TBCD: variants seen among roughly 807,000 people sequenced by gnomAD.
The protein encoded by TBCD is tubulin folding cofactor D.
In TBCD, 105 loss-of-function variants were observed where a neutral mutation model predicts 169.3. That is an observed-to-expected ratio of 0.62 (90% CI 0.53 to 0.73). The LOEUF (loss-of-function observed/expected upper bound fraction) is 0.73, where lower values mean the gene tolerates loss of function less well. Ranked by LOEUF, TBCD falls within the 30% of genes least tolerant of loss-of-function variation. The pLI is 0.00. For missense variants in TBCD, 1,444 were observed against 1,600.1 expected (o/e 0.90, Z 1.66); for synonymous variants, 700 against 643.9 (o/e 1.09, Z -1.32).
chr17:82,830,935 A>G, intron 13 of TBCD: 1 of 1,613,172 alleles, frequency 6.2e-7, no homozygotes, highest in South Asian at 1.1e-5. Context: ...AACTGCGTGA[A>G]GCAGTGTGAG....
chr17:82,787,664 G>C (rs1245440113), intron 7 of TBCD, among the ~76,000 whole-genome samples: 4 of 152,174 alleles, frequency 2.6e-5, no homozygotes, highest in African/African-American at 9.7e-5. Context: ...GATGCACTTG[G>C]CTTCATTGTC....
At chr17:82,928,057 G>T in intron 30 of TBCD, 69 bp downstream of exon 30, 1 of 1,437,580 alleles carries the variant, frequency 7.0e-7, no homozygotes, top group Non-Finnish European at 9.7e-7. Flanking sequence ...CTGGCGGGGC[G>T]GGCGGTCCTG....
chr17:82,871,588 G>A (rs1029846806), intron 14 of TBCD, among the ~76,000 whole-genome samples: 1 of 152,202 alleles, frequency 6.6e-6, no homozygotes, highest in Non-Finnish European at 1.5e-5. Context: ...ACTACAAGAC[G>A]CCTGAAGGGG....
intron 6 of TBCD, among the ~76,000 whole-genome samples, chr17:82,775,238 C>G (rs997309162): frequency 1.3e-5 from 2 of 152,208 alleles, no homozygotes; most frequent in African/African-American, 2.4e-5. Flanking sequence ...AGAGGTGGTG[C>G]CTGGGGGCGT....
In TBCD at chr17:82,898,176, C is replaced by T. The variant is rs371711819; in HGVS notation, c.1650-2475C>T. ...CCCCGTGGGTTTTGGTGGGAGCACA[C>T]GGCACGGCTCTGGGTTTTGGTGGGA... is the stretch of plus-strand genomic sequence containing the variant. On this transcript the variant is annotated intron_variant, in intron 17 of 38. Coordinates refer to ENST00000355528, the MANE Select transcript of TBCD (RefSeq NM_005993.5). Among the ~76,000 whole-genome samples the T allele has an allele frequency of 1.7e-4, 25 of 148,452 alleles. No individual in the cohort carries two copies. The East Asian group carries it at 2.4e-3, about 14-fold the overall frequency.
Position 82,833,225 on chromosome 17 carries a change from C to T in TBCD, c.1318+18291C>T, listed in dbSNP as rs927354176. On this transcript the variant is annotated intron_variant, in intron 13 of 38. Transcript: ENST00000355528. This position sits in a 1 kb window ranked among gnomAD's most constrained non-coding sequence, Gnocchi z 4.7. ...GCGTGGGCTGGCCACCGTCTACTTG[C>T]TCCTACCTGCTGGCTGGGAGCTCTC... Among the ~76,000 whole-genome samples the T allele has an allele frequency of 5.9e-5, 9 of 152,150 alleles. No individual in the cohort carries two copies. The highest frequency in any genetic ancestry group is 1.9e-4 in the African/African-American group (8 of 41,434).
chr17:82,859,072 C>G (rs536449151), intron 13 of TBCD, among the ~76,000 whole-genome samples: 1 of 151,236 alleles, frequency 6.6e-6, no homozygotes, highest in African/African-American at 2.4e-5. Flanking sequence ...GTGTCCTCCC[C>G]GCACTGGCTT....
chr17:82,789,582 G>A lies in TBCD; in HGVS notation c.771+7861G>A, dbSNP rs1481582278. Among the ~76,000 whole-genome samples, 2 of 152,150 alleles carry A rather than the reference G, an allele frequency of 1.3e-5. No homozygotes were observed. The highest frequency in any genetic ancestry group is 3.9e-4 in the East Asian group (2 of 5,180). ...ACCTGTGGCCCCTGTGCAGGTTGGGGTGCCCCTGCCCTCTCCCCTGCCCCG... is the reference window on the plus strand; with the variant it reads ...ACCTGTGGCCCCTGTGCAGGTTGGGATGCCCCTGCCCTCTCCCCTGCCCCG... On this transcript the variant is annotated intron_variant, in intron 7 of 38. Coordinates refer to ENST00000355528, the MANE Select transcript of TBCD (RefSeq NM_005993.5). This position sits in a 1 kb window ranked among gnomAD's most constrained non-coding sequence, Gnocchi z 4.8.
In TBCD at chr17:82,920,618, G is replaced by T; in HGVS notation, c.2101G>T (p.Asp701Tyr). 1 of 1,549,508 alleles carries T rather than the reference G, an allele frequency of 6.5e-7. No individual in the cohort carries two copies. The highest frequency in any genetic ancestry group is 1.4e-5 in the African/African-American group (1 of 72,792). The change falls in exon 24 of 39, where the codon GAT becomes TAT. Residue 701 changes from aspartate (D) to tyrosine (Y), a missense_variant and splice_region_variant. Asp to Tyr is a radical substitution (Grantham distance 160). Coordinates refer to ENST00000355528, the MANE Select transcript of TBCD (RefSeq NM_005993.5). The surrounding 1 kb of genome is among the most constrained non-coding windows in gnomAD (Gnocchi z 4.1). ...GCCCTTTAGAGGTGACACCGTAATT[G>T]GTAAGTGCTTTTGTTTTTAATAATA... The part of the protein sequence containing the change: ...KMPFRGDTVI[D>Y]GWQWLINDTL...
chr17:82,756,116 GTA>G (rs748062458), intron 1 of TBCD, 47 bp from the exon 2 acceptor site: 1 of 1,515,676 alleles, frequency 6.6e-7, no homozygotes, highest in Non-Finnish European at 9.0e-7. Context: ...AGGCTCATGG[GTA>G]TGTTTGGCCT....
intron 21 of TBCD, chr17:82,908,322 T>C: frequency 6.6e-6 from 3 of 456,906 alleles, no homozygotes; most frequent in South Asian, 1.5e-5. Context: ...TGGGGTCTGA[T>C]GTCTCCTGAA....
chr17:82,847,704 C>A (rs116191401), intron 13 of TBCD, among the ~76,000 whole-genome samples: 1,843 of 152,284 alleles, frequency 0.012, 52 homozygotes, highest in African/African-American at 0.042. Context: ...GTAGTGCGAT[C>A]TCCGCCTCCC....
At position 82,930,568 on chromosome 17, in the gene TBCD, A is replaced by G; in HGVS notation, c.3038A>G (p.Gln1013Arg). ...CTCTTTGAGTACATGAAGGGCATTC[A>G]GAGCGACCCGCAGGCCCTGGGCAGC... The part of the protein sequence containing the change: ...QSLFEYMKGI[Q>R]SDPQALGSFS... The change falls in exon 33 of 39, where the codon CAG becomes CGG. Residue 1013 changes from glutamine to arginine, a missense_variant. Physicochemically the swap from Gln to Arg is conservative, Grantham distance 43. Coordinates refer to ENST00000355528, the MANE Select transcript of TBCD (RefSeq NM_005993.5). This position sits in a 1 kb window ranked among gnomAD's most constrained non-coding sequence, Gnocchi z 5.2. The G allele has an allele frequency of 6.2e-7, 1 of 1,613,872 alleles. No homozygotes were observed. The highest frequency in any genetic ancestry group is 1.1e-5 in the South Asian group (1 of 91,050).
At chr17:82,764,345 TC>T (rs2047918357) in intron 3 of TBCD, among the ~76,000 whole-genome samples, 1 of 152,154 alleles carries the variant, frequency 6.6e-6, no homozygotes, top group South Asian at 2.1e-4. Context: ...CAGAAAAACT[TC>T]TTACAAGGAG....
chr17:82,920,595 C>A lies in TBCD; in HGVS notation c.2078C>A (p.Pro693His). ...GAAAAGTTGTCACTTTCCAAAATGC[C>A]CTTTAGAGGTGACACCGTAATTGGT... ...LIEKLSLSKM[P>H]FRGDTVIDGW... is the part of the protein sequence containing the mutation. Residue 693 changes from proline (P) to histidine (H), a missense_variant, in exon 24 of 39, where the codon CCC becomes CAC. Pro to His is a moderately conservative substitution (Grantham distance 77). Transcript: ENST00000355528. The surrounding 1 kb of genome is among the most constrained non-coding windows in gnomAD (Gnocchi z 4.1). 6.5e-7 allele frequency: 1 copy of A among 1,550,170 alleles called. No individual in the cohort carries two copies. Among genetic ancestry groups the A allele is most frequent in the Non-Finnish European group, 8.7e-7 (1 of 1,147,484 alleles).
intron 7 of TBCD, among the ~76,000 whole-genome samples, chr17:82,783,574 C>T (rs1207574760): frequency 1.3e-5 from 2 of 152,196 alleles, no homozygotes; most frequent in South Asian, 2.1e-4. Context: ...TTGCTGGTTG[C>T]GGACATCTCA....
chr17:82,887,169 G>GCA (rs1555632390), intron 15 of TBCD, among the ~76,000 whole-genome samples: 1 of 40,266 alleles, frequency 2.5e-5, no homozygotes, highest in Non-Finnish European at 4.8e-5. Flanking sequence ...GTGTGTGTGT[G>GCA]CGCGCGCGCG....
At chr17:82,763,860 C>A in intron 2 of TBCD, 105 bp from the exon 3 acceptor site, 1 of 897,390 alleles carries the variant, frequency 1.1e-6, no homozygotes, top group Non-Finnish European at 1.8e-6. Context: ...CCACCTTGGT[C>A]TCCCAAAGTG....
intron 7 of TBCD, among the ~76,000 whole-genome samples, chr17:82,790,052 G>A (rs1163509734): frequency 6.6e-6 from 1 of 152,194 alleles, no homozygotes; most frequent in Non-Finnish European, 1.5e-5. Context: ...TTCTCATGTG[G>A]CTGCGCCGCC....
Sources: gnomAD v4.1 joint callset for allele counts (sites outside exome capture counted in the v4.1 genomes callset) on GRCh38, gnomAD v4.1.1 for gene constraint, Gnocchi (gnomAD v3.1) non-coding constraint, MANE v1.5 for transcripts, NCBI Gene and HGNC (gene_info 2026-07-23, HGNC 2026-07-21) for gene names.